Variants in LDLRAD4 observed in about 807,000 individuals in gnomAD.
LDLRAD4 encodes low density lipoprotein receptor class A domain containing 4, also known as low-density lipoprotein receptor class A domain-containing protein 4.
In LDLRAD4, 5 loss-of-function variants were observed where a neutral mutation model predicts 17.0. The ratio of observed to expected loss-of-function variants is 0.29; its 90% CI spans 0.15 to 0.62. The LOEUF (loss-of-function observed/expected upper bound fraction) is 0.62, where lower values mean the gene tolerates loss of function less well. Among genes scored for constraint, LDLRAD4 ranks in the 20% least tolerant of loss-of-function variants. The probability of loss-of-function intolerance (pLI) is 0.84; values close to 1 mark genes in which losing one functional copy is unlikely to be tolerated. For synonymous variants in LDLRAD4, 168 were observed against 171.8 expected, an observed-to-expected ratio of 0.98 and a Z score of 0.17; for missense variants, 340 against 424.7, an observed-to-expected ratio of 0.80 and a Z score of 1.75.
chr18:13,560,047 G>T (rs1206463208), intron 3 of LDLRAD4, among the ~76,000 whole-genome samples: 5 of 152,156 alleles, frequency 3.3e-5, no homozygotes, highest in Non-Finnish European at 7.3e-5. Flanking sequence ...TATTATATGG[G>T]TACTTTTTAG....
At chr18:13,257,551 C>G (rs1422206652) in intron 1 of LDLRAD4, among the ~76,000 whole-genome samples, 2 of 152,222 alleles carry the variant, frequency 1.3e-5, no homozygotes, top group African/African-American at 4.8e-5. Flanking sequence ...TGTGGGGTGG[C>G]AGCCTGGGCT....
chr18:13,390,061 T>C, intron 2 of LDLRAD4, among the ~76,000 whole-genome samples: 1 of 152,190 alleles, frequency 6.6e-6, no homozygotes, highest in Non-Finnish European at 1.5e-5. Context: ...TACATGTATG[T>C]GTTGTAGAGT....
chr18:13,376,999 C>A (rs1043776708), intron 1 of LDLRAD4, among the ~76,000 whole-genome samples: 1 of 152,206 alleles, frequency 6.6e-6, no homozygotes, highest in Non-Finnish European at 1.5e-5. Context: ...CTCCTGGGGA[C>A]AGATGCACTT....
Position 13,621,331 on chromosome 18 carries a change from A to G in LDLRAD4, c.336+60A>G. On this transcript the variant is annotated intron_variant, in intron 4 of 5. Coordinates refer to ENST00000359446, the Ensembl canonical transcript of LDLRAD4. This position sits in a 1 kb window ranked among gnomAD's most constrained non-coding sequence, Gnocchi z 5.5. ...GCAGCTGCAAGAGGCTTAGGAGCCCATCAGGGTTCAGAGGCCGGGAGTGCT... is the reference window on the plus strand; with the variant it reads ...GCAGCTGCAAGAGGCTTAGGAGCCCGTCAGGGTTCAGAGGCCGGGAGTGCT... The G allele has an allele frequency of 7.2e-7, 1 of 1,386,316 alleles. No homozygotes were observed. 85.9% of individuals were successfully genotyped at this position (1,386,316 alleles called of 1,614,324 possible).
intron 3 of LDLRAD4, among the ~76,000 whole-genome samples, chr18:13,461,889 C>A (rs2092445035): frequency 6.6e-6 from 1 of 152,188 alleles, no homozygotes; most frequent in African/African-American, 2.4e-5. Flanking sequence ...GAGGTACTTT[C>A]AATTTTTCAT....
chr18:13,378,729 CCA>C (rs1301536666), intron 1 of LDLRAD4, among the ~76,000 whole-genome samples: 2 of 152,122 alleles, frequency 1.3e-5, no homozygotes, highest in South Asian at 2.1e-4. Context: ...AAAACCTCAC[CCA>C]CACACTTTCT....
At chr18:13,624,763 C>T (rs2040973272) in intron 4 of LDLRAD4, among the ~76,000 whole-genome samples, 1 of 152,186 alleles carries the variant, frequency 6.6e-6, no homozygotes, top group Non-Finnish European at 1.5e-5. Flanking sequence ...GCTGGGAAGG[C>T]ACGGCTGGCT....
rs186140286 is a variant in LDLRAD4 at position 13,517,454 on chromosome 18, G to C, written c.181+79070G>C. ...AGCTCCGTTTTGGAAAGAGCTTCCTGGTTGCCCATGGGTTATGAAGTCTGC... is the reference window on the plus strand; with the variant it reads ...AGCTCCGTTTTGGAAAGAGCTTCCTCGTTGCCCATGGGTTATGAAGTCTGC... On this transcript the variant is annotated intron_variant, in intron 3 of 5. Coordinates refer to ENST00000359446, the Ensembl canonical transcript of LDLRAD4. Among the ~76,000 whole-genome samples the C allele has an allele frequency of 3.3e-5, 5 of 152,322 alleles. No homozygotes were observed. The East Asian group carries it at 9.6e-4, about 29-fold the overall frequency.
At chr18:13,460,380 A>G (rs994666417) in intron 3 of LDLRAD4, among the ~76,000 whole-genome samples, 2 of 152,030 alleles carry the variant, frequency 1.3e-5, no homozygotes, top group African/African-American at 4.8e-5. Context: ...TTTTGTAGAG[A>G]TGGGGTCTCA....
At chr18:13,247,823 T>G (rs1248201505) in intron 1 of LDLRAD4, among the ~76,000 whole-genome samples, 4 of 152,102 alleles carry the variant, frequency 2.6e-5, no homozygotes, top group Admixed American at 6.5e-5. Flanking sequence ...CTGCCACAGT[T>G]TTCATAGGCC....
chr18:13,529,808 C>G (rs2094099986), intron 3 of LDLRAD4, among the ~76,000 whole-genome samples: 1 of 152,224 alleles, frequency 6.6e-6, no homozygotes, highest in Admixed American at 6.5e-5. Flanking sequence ...CATAGGCTGT[C>G]CACAGAGTGT....
intron 1 of LDLRAD4, among the ~76,000 whole-genome samples, chr18:13,308,786 A>G (rs2047061762): frequency 6.6e-6 from 1 of 152,248 alleles, no homozygotes. Flanking sequence ...ACGCATGCAG[A>G]TACTGTTTCC....
At chr18:13,349,042 C>T (rs1371758447) in intron 1 of LDLRAD4, among the ~76,000 whole-genome samples, 1 of 152,196 alleles carries the variant, frequency 6.6e-6, no homozygotes, top group Non-Finnish European at 1.5e-5. Flanking sequence ...GATGCCTCGC[C>T]CTGCTTTGGC....
intron 2 of LDLRAD4, among the ~76,000 whole-genome samples, chr18:13,425,005 A>T (rs2089812054): frequency 6.6e-6 from 1 of 152,232 alleles, no homozygotes. Flanking sequence ...TGCTTAATAG[A>T]ATAAACTTTC....
At chr18:13,342,140 A>T (rs1018322518) in intron 1 of LDLRAD4, among the ~76,000 whole-genome samples, 1 of 152,016 alleles carries the variant, frequency 6.6e-6, no homozygotes, top group East Asian at 1.9e-4. Context: ...GTTTGCTAGT[A>T]TTTAGTTGGG....
At chr18:13,499,619 CCTT>C (rs1290561293) in intron 3 of LDLRAD4, among the ~76,000 whole-genome samples, 3 of 151,204 alleles carry the variant, frequency 2.0e-5, no homozygotes, top group Non-Finnish European at 3.0e-5. Flanking sequence ...ACTGGAGAAT[CCTT>C]CTACTCACAC....
At chr18:13,406,008 A>G (rs963794537) in intron 2 of LDLRAD4, among the ~76,000 whole-genome samples, 3 of 152,194 alleles carry the variant, frequency 2.0e-5, no homozygotes, top group Non-Finnish European at 2.9e-5. Flanking sequence ...TTCCTGTGCA[A>G]CTTTGAAAAC....
intron 1 of LDLRAD4, among the ~76,000 whole-genome samples, chr18:13,321,655 C>G (rs1225553781): frequency 6.6e-6 from 1 of 151,900 alleles, no homozygotes; most frequent in Non-Finnish European, 1.5e-5. Context: ...CACCTGAGAT[C>G]AGGAGTTTGA....
chr18:13,398,167 G>A lies in LDLRAD4; in HGVS notation c.40+10405G>A, dbSNP rs78453551. ...GAACCGAGTTGGGGCAGGAGGGGAC[G>A]GAGGGAGAGAGGCAGGAGGCTGAAG... On this transcript the variant is annotated intron_variant, in intron 2 of 5. Transcript: ENST00000359446. This position sits in a 1 kb window ranked among gnomAD's most constrained non-coding sequence, Gnocchi z 4.8. Among the ~76,000 whole-genome samples, 459 of 152,314 alleles carry A rather than the reference G, an allele frequency of 3.0e-3. No homozygotes were observed. Among genetic ancestry groups the A allele is most frequent in the African/African-American group, 9.7e-3 (404 of 41,572 alleles).
Sources: allele counts gnomAD v4.1 joint callset (sites outside exome capture counted in the v4.1 genomes callset), GRCh38; gene constraint gnomAD v4.1.1; non-coding constraint Gnocchi (gnomAD v3.1); transcripts MANE v1.5; gene names NCBI Gene and HGNC (gene_info 2026-07-23, HGNC 2026-07-21).